The following TPP2 variants were observed in gnomAD, a reference collection of about 807,000 sequenced individuals.
TPP2 encodes tripeptidyl peptidase 2.
In TPP2, 34 loss-of-function variants were observed where a neutral mutation model predicts 155.9. That is an observed-to-expected ratio of 0.22 (90% CI 0.17 to 0.29). The LOEUF (loss-of-function observed/expected upper bound fraction) is 0.29. Ranked by LOEUF, TPP2 falls within the 10% of genes least tolerant of loss-of-function variation. The pLI is 1.00. For missense variants in TPP2, 1,028 were observed against 1,522.3 expected (o/e 0.68, Z 5.40); for synonymous variants, 510 against 529.4 (o/e 0.96, Z 0.50).
intron 25 of TPP2, among the ~76,000 whole-genome samples, chr13:102,658,766 A>G (rs1235284470): frequency 6.8e-6 from 1 of 147,532 alleles, no homozygotes; most frequent in African/African-American, 2.5e-5. Context: ...CTCCTGGGGG[A>G]GGGAAGGCTT....
rs1259626544 is a variant in TPP2, at chr13:102,637,190, A to G, written c.1787A>G (p.Asn596Ser). Residue 596 changes from asparagine to serine, a missense_variant, in exon 14 of 30, where the codon AAC becomes AGC. This residue lies in a region of TPP2 where 325 missense variants were observed against 463.7 expected (regional missense o/e 0.70). Coordinates refer to ENST00000376052, the MANE Select transcript of TPP2 (RefSeq NM_001330588.2). Reference protein sequence around the residue: ...LELMNQCRHINIRVDPRGLRE... With the variant: ...LELMNQCRHISIRVDPRGLRE... ...CTCATGAATCAATGTAGACACATAA[A>G]CATACGTGTGGATCCCAGGGGCTTA... 1 of 1,611,208 alleles carries G rather than the reference A, an allele frequency of 6.2e-7. No homozygotes were observed. Among genetic ancestry groups the G allele is most frequent in the Non-Finnish European group, 8.5e-7 (1 of 1,179,566 alleles).
intron 24 of TPP2, chr13:102,655,073 A>C: frequency 2.1e-6 from 1 of 477,308 alleles, no homozygotes; most frequent in South Asian, 1.5e-5. Context: ...CAGTGGCTAC[A>C]AATGGATTTA....
intron 2 of TPP2, among the ~76,000 whole-genome samples, chr13:102,609,829 A>G (rs1235668847): frequency 6.6e-6 from 1 of 152,148 alleles, no homozygotes. Flanking sequence ...ATATTTCGAC[A>G]TGCGATTTGG....
chr13:102,606,043 T>C (rs1187911600), intron 2 of TPP2, among the ~76,000 whole-genome samples: 1 of 152,210 alleles, frequency 6.6e-6, no homozygotes. Context: ...TCTTATTCTA[T>C]GTCCTTGGTA....
In TPP2 at chr13:102,636,205, T is replaced by C. The variant is rs1023083602; in HGVS notation, c.1510-19T>C. On this transcript the variant is annotated intron_variant, in intron 12 of 29. Coordinates refer to ENST00000376052, the MANE Select transcript of TPP2 (RefSeq NM_001330588.2). ...TGACCCAACCATTTATATCTTACCA[T>C]GTATATTATTTTCACTAGGTTGATA... The C allele has an allele frequency of 2.9e-5, 46 of 1,585,212 alleles. No individual in the cohort carries two copies. Among genetic ancestry groups the C allele is most frequent in the Non-Finnish European group, 3.9e-5 (45 of 1,167,624 alleles).
chr13:102,664,003 C>T (rs1013995712), intron 26 of TPP2, among the ~76,000 whole-genome samples: 1 of 152,204 alleles, frequency 6.6e-6, no homozygotes, highest in African/African-American at 2.4e-5. Context: ...TTTTCATGAC[C>T]TTAACCTAAA....
intron 28 of TPP2, among the ~76,000 whole-genome samples, chr13:102,675,598 C>T: frequency 6.6e-6 from 1 of 152,146 alleles, no homozygotes; most frequent in East Asian, 1.9e-4. Context: ...TGCTTTCTGT[C>T]TTTGAGGAAT....
chr13:102,597,276 A>T (rs1419647748), intron 1 of TPP2, 73 bp downstream of exon 1: 36 of 892,626 alleles, frequency 4.0e-5, no homozygotes, highest in Non-Finnish European at 5.2e-5. Context: ...ACAGTCTCGG[A>T]GCCCGGCAGG....
At chr13:102,663,829 T>G in intron 26 of TPP2, 85 bp downstream of exon 26, 1 of 1,029,910 alleles carries the variant, frequency 9.7e-7, no homozygotes, top group Non-Finnish European at 1.4e-6. Context: ...TATCTTTCTC[T>G]TCTGTTCTTG....
At chr13:102,618,978 C>T (rs1195472109) in intron 5 of TPP2, 132 bp downstream of exon 5, 1 of 1,148,682 alleles carries the variant, frequency 8.7e-7, no homozygotes, top group Non-Finnish European at 1.2e-6. Flanking sequence ...ATTTAAGGGC[C>T]AAATTGGCAT....
intron 1 of TPP2, 49 bp downstream of exon 1, chr13:102,597,252 A>G (rs1879027360): frequency 8.9e-7 from 1 of 1,125,126 alleles, no homozygotes; most frequent in South Asian, 2.0e-5. Flanking sequence ...GCGGCCGGGG[A>G]CGCGGGTGGG....
chr13:102,606,349 G>C (rs1879826013), intron 2 of TPP2, among the ~76,000 whole-genome samples: 1 of 152,108 alleles, frequency 6.6e-6, no homozygotes, highest in Admixed American at 6.5e-5. Context: ...GTGTATTCCT[G>C]TATTTATTAT....
rs1368148487 is a variant in TPP2, at chr13:102,635,576, C to T, written c.1394-11C>T. Reference sequence around the variant, plus strand: ...AGTGCTACACTACTTGTTTTTGTTTCTTAATTTTAGGTCTGAAAGCTAATA... The same window carrying T: ...AGTGCTACACTACTTGTTTTTGTTTTTTAATTTTAGGTCTGAAAGCTAATA... On this transcript the variant is annotated splice_polypyrimidine_tract_variant and intron_variant, in intron 11 of 29. Transcript: ENST00000376052. The T allele has an allele frequency of 1.2e-6, 2 of 1,605,644 alleles. No homozygotes were observed. Among genetic ancestry groups the T allele is most frequent in the Non-Finnish European group, 1.7e-6 (2 of 1,175,858 alleles).
At chr13:102,665,022 T>A (rs1405268560) in intron 27 of TPP2, 97 bp downstream of exon 27, 2 of 1,413,888 alleles carry the variant, frequency 1.4e-6, no homozygotes, top group African/African-American at 1.4e-5. Context: ...GCTTTTCTGA[T>A]GTTTGTTATA....
chr13:102,659,373 G>A (rs1317213559), intron 25 of TPP2, among the ~76,000 whole-genome samples: 1 of 152,070 alleles, frequency 6.6e-6, no homozygotes, highest in Admixed American at 6.6e-5. Context: ...GGAACTCAAT[G>A]AACTCAAAGT....
intron 17 of TPP2, 132 bp from the exon 18 acceptor site, chr13:102,644,425 A>T: frequency 1.5e-6 from 1 of 679,760 alleles, no homozygotes; most frequent in South Asian, 2.2e-5. Context: ...CATAGCTGTT[A>T]AAATTTTTGA....
intron 26 of TPP2, 102 bp downstream of exon 26, chr13:102,663,846 AAAACATG>A (rs1404041006): frequency 1.4e-5 from 12 of 886,054 alleles, no homozygotes; most frequent in African/African-American, 7.0e-5. Flanking sequence ...CTTGCTAACT[AAAACATG>A]TTTTCTCAAA....
At chr13:102,603,686 T>G (rs1464971627) in intron 1 of TPP2, among the ~76,000 whole-genome samples, 1 of 152,166 alleles carries the variant, frequency 6.6e-6, no homozygotes, top group East Asian at 1.9e-4. Context: ...ATTGATGGGC[T>G]TAAAGGAGAG....
chr13:102,603,671 A>C (rs183892794), intron 1 of TPP2, among the ~76,000 whole-genome samples: 31 of 152,294 alleles, frequency 2.0e-4, no homozygotes, highest in African/African-American at 7.2e-4. Context: ...GTGCTCCATG[A>C]ATACATTGAT....
Sources: gnomAD v4.1 joint callset for allele counts (sites outside exome capture counted in the v4.1 genomes callset) on GRCh38, gnomAD v4.1.1 for gene constraint, gnomAD v4.1.1 regional missense constraint, MANE v1.5 for transcripts, NCBI Gene and HGNC (gene_info 2026-07-23, HGNC 2026-07-21) for gene names.